The following PTPRG variants were observed in gnomAD, a reference collection of about 807,000 sequenced individuals.
PTPRG encodes the protein protein tyrosine phosphatase receptor type G.
In PTPRG, 102 loss-of-function variants were observed where a neutral mutation model predicts 165.3. The ratio of observed to expected loss-of-function variants is 0.62; its 90% confidence interval spans 0.53 to 0.73. The LOEUF (loss-of-function observed/expected upper bound fraction) is 0.73. Ranked by LOEUF, PTPRG falls within the 30% of genes least tolerant of loss-of-function variation. PTPRG has a pLI of 0.00. For missense variants in PTPRG, 1,866 were observed against 1,861.4 expected (o/e 1.00, Z -0.05); for synonymous variants, 675 against 669.5 (o/e 1.01, Z -0.13).
chr3:62,046,072 T>C (rs1700281390), intron 4 of PTPRG, among the ~76,000 whole-genome samples: 1 of 152,180 alleles, frequency 6.6e-6, no homozygotes, highest in Non-Finnish European at 1.5e-5. Context: ...CCTCTCTTGG[T>C]TGTTATGTGA....
chr3:61,971,969 C>G (rs1349254957), intron 2 of PTPRG, among the ~76,000 whole-genome samples: 1 of 152,226 alleles, frequency 6.6e-6, no homozygotes, highest in Non-Finnish European at 1.5e-5. Flanking sequence ...ATATAATGGG[C>G]CCATCGCTGT....
intron 1 of PTPRG, among the ~76,000 whole-genome samples, chr3:61,605,050 G>T (rs1471435938): frequency 6.6e-6 from 1 of 152,106 alleles, no homozygotes; most frequent in Admixed American, 6.6e-5. Context: ...GTTGGATCAT[G>T]CCACACTCTG....
chr3:61,799,841 A>G (rs977828933), intron 2 of PTPRG, among the ~76,000 whole-genome samples: 2 of 152,154 alleles, frequency 1.3e-5, no homozygotes, highest in African/African-American at 4.8e-5. Context: ...GTGTGGACAT[A>G]ACATTTTTCC....
At chr3:61,568,298 C>G (rs1176271946) in intron 1 of PTPRG, among the ~76,000 whole-genome samples, 1 of 152,136 alleles carries the variant, frequency 6.6e-6, no homozygotes, top group Non-Finnish European at 1.5e-5. Context: ...TAAAGTAATA[C>G]AGGTAAATTT....
chr3:61,608,117 T>G (rs1559522012), intron 1 of PTPRG, among the ~76,000 whole-genome samples: 1 of 152,218 alleles, frequency 6.6e-6, no homozygotes, highest in Admixed American at 6.5e-5. Flanking sequence ...GGTCCGCAAC[T>G]TGCCAGGGCA....
chr3:62,124,374 G>A, intron 5 of PTPRG: 2 of 1,612,702 alleles, frequency 1.2e-6, no homozygotes, highest in Admixed American at 1.7e-5. Flanking sequence ...TGCAAGTCCA[G>A]GGTGATCTGC....
intron 1 of PTPRG, among the ~76,000 whole-genome samples, chr3:61,583,518 C>T (rs1049594100): frequency 6.6e-6 from 1 of 152,146 alleles, no homozygotes; most frequent in Non-Finnish European, 1.5e-5. Context: ...TTTTATTGTA[C>T]TGCTATTATT....
chr3:61,976,741 C>T (rs2040516072), intron 2 of PTPRG, among the ~76,000 whole-genome samples: 1 of 151,902 alleles, frequency 6.6e-6, no homozygotes, highest in Non-Finnish European at 1.5e-5. Flanking sequence ...GTGGCACGAT[C>T]TCGGCTCACA....
chr3:61,696,230 G>A (rs959727468), intron 1 of PTPRG, among the ~76,000 whole-genome samples: 3 of 152,144 alleles, frequency 2.0e-5, no homozygotes, highest in Non-Finnish European at 2.9e-5. Flanking sequence ...GGCCGGGCGC[G>A]GTGACTCACG....
chr3:61,819,737 G>A (rs2035898055), intron 2 of PTPRG, among the ~76,000 whole-genome samples: 1 of 152,084 alleles, frequency 6.6e-6, no homozygotes, highest in South Asian at 2.1e-4. Context: ...CCATAACATG[G>A]GAATCTTTAT....
intron 5 of PTPRG, among the ~76,000 whole-genome samples, chr3:62,085,014 TA>T (rs926324143): frequency 2.0e-5 from 3 of 152,158 alleles, no homozygotes; most frequent in African/African-American, 4.8e-5. Context: ...AAATAGGCAT[TA>T]GGGGGTAGAG....
At chr3:61,959,332 C>A (rs1018710749) in intron 2 of PTPRG, among the ~76,000 whole-genome samples, 4 of 152,178 alleles carry the variant, frequency 2.6e-5, no homozygotes, top group African/African-American at 9.7e-5. Context: ...GCTCCCAAGC[C>A]AGCGGTCCCC....
At chr3:61,819,079 T>A (rs189751626) in intron 2 of PTPRG, among the ~76,000 whole-genome samples, 112 of 152,252 alleles carry the variant, frequency 7.4e-4, no homozygotes, top group Non-Finnish European at 7.6e-4. Context: ...AAAGGAAAAT[T>A]GGATTCTTGT....
At chr3:61,999,550 G>T (rs1320452787) in intron 3 of PTPRG, among the ~76,000 whole-genome samples, 1 of 152,140 alleles carries the variant, frequency 6.6e-6, no homozygotes, top group Non-Finnish European at 1.5e-5. Flanking sequence ...GCACCTTCCA[G>T]TTTGTGCCTT....
rs74623624 is a variant in PTPRG, at chr3:61,686,442, T to C, written c.86-62436T>C. Among the ~76,000 whole-genome samples, 1,015 of 152,292 alleles carry C rather than the reference T, an allele frequency of 6.7e-3. 9 individuals carry two copies. The highest frequency in any genetic ancestry group is 0.022 in the African/African-American group (922 of 41,564). ...AAATGAGTGGTCTTAGACGTCACTA[T>C]TGGGGACTTTAAATGAGCACAGCTT... On this transcript the variant is annotated intron_variant, in intron 1 of 29. Coordinates refer to ENST00000474889, the MANE Select transcript of PTPRG (RefSeq NM_002841.4).
At chr3:61,823,401 G>A (rs1218735657) in intron 2 of PTPRG, among the ~76,000 whole-genome samples, 2 of 152,118 alleles carry the variant, frequency 1.3e-5, no homozygotes, top group Non-Finnish European at 2.9e-5. Flanking sequence ...TGTTGAGCAG[G>A]ATGGTCTCAA....
chr3:62,119,336 G>A (rs565838946), intron 5 of PTPRG, among the ~76,000 whole-genome samples: 1 of 152,342 alleles, frequency 6.6e-6, no homozygotes, highest in Admixed American at 6.5e-5. Context: ...TTTGGAATGG[G>A]CCAGGGAAGG....
intron 1 of PTPRG, among the ~76,000 whole-genome samples, chr3:61,614,977 AAC>A (rs1174916403): frequency 1.3e-5 from 2 of 152,154 alleles, no homozygotes. Context: ...ACCGCTTCCA[AAC>A]ACACCATGCG....
At chr3:62,169,732 G>C (rs1257411606) in intron 8 of PTPRG, among the ~76,000 whole-genome samples, 4 of 152,180 alleles carry the variant, frequency 2.6e-5, no homozygotes, top group Non-Finnish European at 5.9e-5. Flanking sequence ...TTATGAGCTT[G>C]GGTAATAAAG....
Sources: gnomAD v4.1 joint callset for allele counts (sites outside exome capture counted in the v4.1 genomes callset) on GRCh38, gnomAD v4.1.1 for gene constraint, MANE v1.5 for transcripts, NCBI Gene and HGNC (gene_info 2026-07-23, HGNC 2026-07-21) for gene names.